The following GRK7 variants were observed in gnomAD, a reference collection of about 807,000 sequenced individuals.
GRK7 encodes the protein G protein-coupled receptor kinase 7, also known as rhodopsin kinase GRK7.
GRK7 carries 24 observed loss-of-function variants against 34.1 expected under a neutral mutation model. That is an observed-to-expected ratio of 0.70 (90% CI 0.51 to 0.99). The LOEUF (loss-of-function observed/expected upper bound fraction) is 0.99, where lower values mean the gene tolerates loss of function less well. Among genes scored for constraint, GRK7 ranks in the 50% least tolerant of loss-of-function variants. The pLI, the probability that GRK7 is intolerant of heterozygous loss-of-function variation, is 0.00. For synonymous variants in GRK7, 256 were observed against 279.4 expected (o/e 0.92, Z 0.84); for missense variants, 644 against 707.3 (o/e 0.91, Z 1.02).
At position 141,807,030 on chromosome 3, in the gene GRK7, A is replaced by G. The variant is rs181962172; in HGVS notation, c.1051-615A>G. On this transcript the variant is annotated intron_variant, in intron 4 of 5. Transcript: ENST00000682958. Reference sequence around the variant, plus strand: ...GTCAGTAGAAGTGTGCCTATAATACATAGTCATGCATGTGAAATGAAATTT... The same window carrying G: ...GTCAGTAGAAGTGTGCCTATAATACGTAGTCATGCATGTGAAATGAAATTT... 1.5e-4 allele frequency among the ~76,000 whole-genome samples: 23 copies of G among 152,294 alleles called. 1 individual carries two copies. The highest frequency in any genetic ancestry group is 1.4e-3 in the Admixed American group (22 of 15,298).
At chr3:141,807,954 C>G (rs775631304) in intron 5 of GRK7, 35 bp downstream of exon 5, 1 of 1,521,014 alleles carries the variant, frequency 6.6e-7, no homozygotes. Context: ...ATTGCTGACA[C>G]CAGTATTGTC....
chr3:141,796,515 T>A (rs1240465714), intron 4 of GRK7, among the ~76,000 whole-genome samples: 1 of 152,210 alleles, frequency 6.6e-6, no homozygotes, highest in African/African-American at 2.4e-5. Context: ...AGGTGACCTC[T>A]GCAGCTGTGC....
chr3:141,791,633 C>G (rs1009348315), intron 4 of GRK7, among the ~76,000 whole-genome samples: 1 of 152,192 alleles, frequency 6.6e-6, no homozygotes, highest in African/African-American at 2.4e-5. Context: ...AAAAGGCATG[C>G]CTTTATTCAC....
chr3:141,778,992 C>T lies in GRK7; in HGVS notation c.612+96C>T. 1 of 1,164,008 alleles carries T rather than the reference C, an allele frequency of 8.6e-7. No individual in the cohort carries two copies. The highest frequency in any genetic ancestry group is 1.2e-6 in the Non-Finnish European group (1 of 819,154). 72.1% of individuals were successfully genotyped at this position (1,164,008 alleles called of 1,614,324 possible). ...TTTTTTAAATCTCAGTTACTTAGAA[C>T]TAATTTCAGCACCATATGTGGAGGA... On this transcript the variant is annotated intron_variant, in intron 3 of 5. Transcript: ENST00000682958. This position sits in a 1 kb window ranked among gnomAD's most constrained non-coding sequence, Gnocchi z 4.1.
chr3:141,786,856 C>T (rs531306723), intron 4 of GRK7, among the ~76,000 whole-genome samples: 7 of 152,060 alleles, frequency 4.6e-5, no homozygotes, highest in Non-Finnish European at 8.8e-5. Flanking sequence ...GACCTCATCA[C>T]ACCTATCCTT....
intron 5 of GRK7, among the ~76,000 whole-genome samples, chr3:141,813,516 G>T (rs890101630): frequency 6.6e-6 from 1 of 152,204 alleles, no homozygotes; most frequent in African/African-American, 2.4e-5. Flanking sequence ...AGACACTGGG[G>T]CAGTCGGTTC....
intron 4 of GRK7, among the ~76,000 whole-genome samples, chr3:141,802,849 T>C (rs1233579727): frequency 6.6e-6 from 1 of 152,122 alleles, no homozygotes; most frequent in Non-Finnish European, 1.5e-5. Context: ...TCTCCTGTGC[T>C]TCCTCCTTGT....
At chr3:141,776,538 T>C (rs2084640138) in intron 2 of GRK7, among the ~76,000 whole-genome samples, 1 of 152,118 alleles carries the variant, frequency 6.6e-6, no homozygotes, top group South Asian at 2.1e-4. Flanking sequence ...GCAGACAGCA[T>C]GGTTCAGAGC....
chr3:141,775,070 G>A (rs1343004317), intron 2 of GRK7, among the ~76,000 whole-genome samples: 2 of 152,166 alleles, frequency 1.3e-5, no homozygotes, highest in African/African-American at 4.8e-5. Flanking sequence ...GGGATTACAG[G>A]CAGGAGCCAC....
At chr3:141,753,093 T>G in the GRK7 span, among the ~76,000 whole-genome samples, 1 of 152,196 alleles carries the variant, frequency 6.6e-6, no homozygotes, top group Non-Finnish European at 1.5e-5. Flanking sequence ...ATGACACTGG[T>G]GGAAGGAAAA....
chr3:141,796,066 A>C (rs1710868884), intron 4 of GRK7, among the ~76,000 whole-genome samples: 1 of 152,168 alleles, frequency 6.6e-6, no homozygotes, highest in South Asian at 2.1e-4. Context: ...CAGCTGATGA[A>C]ATATAGTCCT....
intron 5 of GRK7, among the ~76,000 whole-genome samples, chr3:141,815,073 C>A (rs1045857437): frequency 1.3e-5 from 2 of 151,940 alleles, no homozygotes; most frequent in Admixed American, 1.3e-4. Flanking sequence ...TACAGGCACA[C>A]TCTGTCACAC....
intron 4 of GRK7, among the ~76,000 whole-genome samples, chr3:141,795,071 A>G (rs1292818636): frequency 1.3e-5 from 2 of 152,194 alleles, no homozygotes; most frequent in Non-Finnish European, 2.9e-5. Flanking sequence ...ACCCAGCCCA[A>G]CATGAGGACC....
At chr3:141,810,342 C>T (rs1046885950) in intron 5 of GRK7, among the ~76,000 whole-genome samples, 2 of 149,856 alleles carry the variant, frequency 1.3e-5, no homozygotes, top group East Asian at 2.0e-4. Flanking sequence ...CTCTCTCTCT[C>T]GCCTCTTTTC....
upstream of GRK7, among the ~76,000 whole-genome samples, chr3:141,760,247 C>A (rs1236335884): frequency 8.1e-6 from 1 of 123,786 alleles, no homozygotes. Flanking sequence ...CTCTTGTGGG[C>A]ATTTAGTGCT....
intron 4 of GRK7, among the ~76,000 whole-genome samples, chr3:141,781,570 GA>G (rs960626149): frequency 8.0e-5 from 12 of 149,910 alleles, no homozygotes; most frequent in East Asian, 2.0e-4. Flanking sequence ...AAAGAAAAAA[GA>G]AAAAAAATAA....
At chr3:141,797,476 G>A (rs547990425) in intron 4 of GRK7, among the ~76,000 whole-genome samples, 4 of 152,350 alleles carry the variant, frequency 2.6e-5, no homozygotes, top group African/African-American at 9.6e-5. Context: ...GGCCCCCCTC[G>A]GAGGAAGGAA....
upstream of GRK7, among the ~76,000 whole-genome samples, chr3:141,762,169 T>C (rs1387884358): frequency 2.0e-5 from 3 of 150,762 alleles, no homozygotes; most frequent in African/African-American, 7.3e-5. Context: ...GGAACTGCGT[T>C]CCTTTGGAGG....
At chr3:141,750,734 G>A in the GRK7 span, among the ~76,000 whole-genome samples, 5 of 151,578 alleles carry the variant, frequency 3.3e-5, no homozygotes, top group African/African-American at 1.2e-4. Flanking sequence ...AAAATTGCCA[G>A]CATGAGTCTT....
Sources: allele counts gnomAD v4.1 joint callset (sites outside exome capture counted in the v4.1 genomes callset), GRCh38; gene constraint gnomAD v4.1.1; non-coding constraint Gnocchi (gnomAD v3.1); transcripts MANE v1.5; gene names NCBI Gene and HGNC (gene_info 2026-07-23, HGNC 2026-07-21).